The following CDH17 variants were observed in gnomAD, a reference collection of about 807,000 sequenced individuals.
CDH17 encodes the protein cadherin 17.
In CDH17, 67 loss-of-function variants were observed where a neutral mutation model predicts 86.3. The observed-to-expected ratio is 0.78, with a 90% confidence interval of 0.64 to 0.95. The LOEUF (loss-of-function observed/expected upper bound fraction) is 0.95, where lower values mean the gene tolerates loss of function less well. Ranked by LOEUF, CDH17 falls within the 40% of genes least tolerant of loss-of-function variation. CDH17 has a pLI of 0.00. For missense variants in CDH17, 993 were observed against 1,017.6 expected (o/e 0.98, Z 0.33); for synonymous variants, 367 against 366.4 (o/e 1.00, Z -0.02).
rs1159115662 is a variant in CDH17, at chr8:94,130,648, C to T, written c.2376G>A (p.Leu792=). Residue 792 remains leucine (L), a synonymous_variant, in exon 17 of 18, where the codon CTG becomes CTA. Coordinates refer to ENST00000027335, the MANE Select transcript of CDH17 (RefSeq NM_004063.4). Reference sequence around the variant, plus strand: ...CACCAATCACCAGAAGGGTGGTCAGCAGTATACCAACTGCCATGCCCACAG... The same window carrying T: ...CACCAATCACCAGAAGGGTGGTCAGTAGTATACCAACTGCCATGCCCACAG... ...IPTVGMAVGI[L]LTTLLVIGII... 6.2e-7 allele frequency: 1 copy of T among 1,612,330 alleles called. No individual in the cohort carries two copies. Among genetic ancestry groups the T allele is most frequent in the Non-Finnish European group, 8.5e-7 (1 of 1,178,620 alleles).
At chr8:94,185,276 T>TATACAC (rs938570428) in intron 3 of CDH17, among the ~76,000 whole-genome samples, 16 of 136,760 alleles carry the variant, frequency 1.2e-4, no homozygotes, top group African/African-American at 4.2e-4. Flanking sequence ...CCTACCCCAA[T>TATACAC]ACACACACAC....
At chr8:94,169,922 C>T (rs1280839841) in intron 9 of CDH17, among the ~76,000 whole-genome samples, 3 of 152,156 alleles carry the variant, frequency 2.0e-5, no homozygotes, top group Non-Finnish European at 4.4e-5. Flanking sequence ...AAGGGGGGCC[C>T]AAGGGTCAAA....
chr8:94,133,528 A>G (rs1812460894), intron 15 of CDH17, among the ~76,000 whole-genome samples: 1 of 152,226 alleles, frequency 6.6e-6, no homozygotes, highest in South Asian at 2.1e-4. Flanking sequence ...ATTTTGCTGA[A>G]GTTGCTTATC....
At chr8:94,129,955 C>G (rs60309287) in intron 17 of CDH17, among the ~76,000 whole-genome samples, 3,433 of 152,234 alleles carry the variant, frequency 0.023, 126 homozygotes, top group African/African-American at 0.079. Context: ...GTTCAAAAAT[C>G]TGGAAAAAAC....
intron 9 of CDH17, among the ~76,000 whole-genome samples, chr8:94,168,920 T>C (rs895943509): frequency 1.8e-4 from 27 of 152,294 alleles, no homozygotes; most frequent in African/African-American, 6.3e-4. Context: ...TGTCCTTTCC[T>C]GCTCTGCCGT....
intron 13 of CDH17, among the ~76,000 whole-genome samples, chr8:94,151,235 T>TAAGC (rs112022921): frequency 0.026 from 4,019 of 152,314 alleles, 170 homozygotes; most frequent in African/African-American, 0.092. Flanking sequence ...ATATATTTCT[T>TAAGC]AAGTTAATCA....
chr8:94,168,098 ATATATATAT>A (rs1813192037), intron 9 of CDH17, among the ~76,000 whole-genome samples: 1 of 216 alleles, frequency 4.6e-3, no homozygotes, highest in Admixed American at 0.038. Flanking sequence ...ACACTGGGGA[ATATATATAT>A]ATATATATAT....
At chr8:94,177,088 T>C (rs2130646075) in intron 4 of CDH17, among the ~76,000 whole-genome samples, 1 of 152,350 alleles carries the variant, frequency 6.6e-6, no homozygotes, top group African/African-American at 2.4e-5. Flanking sequence ...TCTCTGACTT[T>C]CCTAGGTATT....
At chr8:94,197,872 C>T (rs920300897) in intron 1 of CDH17, among the ~76,000 whole-genome samples, 3 of 151,206 alleles carry the variant, frequency 2.0e-5, no homozygotes, top group African/African-American at 7.3e-5. Flanking sequence ...AGTTTGTGCT[C>T]CTATGATTTT....
chr8:94,146,287 A>T, intron 14 of CDH17, 120 bp from the exon 15 acceptor site: 1 of 863,778 alleles, frequency 1.2e-6, no homozygotes, highest in Middle Eastern at 3.2e-4. Context: ...AAAGACGACA[A>T]GCTTTTAGAA....
intron 15 of CDH17, among the ~76,000 whole-genome samples, chr8:94,138,387 G>T (rs150622066): frequency 6.6e-6 from 1 of 152,160 alleles, no homozygotes; most frequent in Non-Finnish European, 1.5e-5. Flanking sequence ...AGCAAATGAG[G>T]TAAATTTTAT....
intron 3 of CDH17, among the ~76,000 whole-genome samples, chr8:94,187,926 A>G (rs1474232363): frequency 1.3e-5 from 2 of 151,586 alleles, no homozygotes. Flanking sequence ...ACCCTACCTC[A>G]CCGGGCTGCA....
chr8:94,145,093 C>T (rs2130590195), intron 15 of CDH17, among the ~76,000 whole-genome samples: 1 of 152,288 alleles, frequency 6.6e-6, no homozygotes, highest in South Asian at 2.1e-4. Context: ...AGTAGTTCAA[C>T]CTTTCCTTAA....
In CDH17 at chr8:94,130,649, A is replaced by C; in HGVS notation, c.2375T>G (p.Leu792Arg). The C allele has an allele frequency of 4.3e-6, 7 of 1,612,610 alleles. No homozygotes were observed. The highest frequency in any genetic ancestry group is 5.9e-6 in the Non-Finnish European group (7 of 1,178,802). ...IPTVGMAVGI[L>R]LTTLLVIGII... ...ACCAATCACCAGAAGGGTGGTCAGCAGTATACCAACTGCCATGCCCACAGT... is the reference window on the plus strand; with the variant it reads ...ACCAATCACCAGAAGGGTGGTCAGCCGTATACCAACTGCCATGCCCACAGT... Residue 792 changes from leucine (L) to arginine (R), a missense_variant, in exon 17 of 18, where the codon CTG becomes CGG. By Grantham distance (102) the Leu-to-Arg change is moderately radical. Coordinates refer to ENST00000027335, the MANE Select transcript of CDH17 (RefSeq NM_004063.4).
rs557233229 is a variant in CDH17, at chr8:94,146,269, G to C, written c.1928-102C>G. On this transcript the variant is annotated intron_variant, in intron 14 of 17. Transcript: ENST00000027335. ...AAATTCAAGGAGTTAGGTACACTGA[G>C]ATGCTAGAAAGACGACAAGCTTTTA... 2.9e-5 allele frequency: 32 copies of C among 1,084,744 alleles called. No homozygotes were observed. In the African/African-American group the frequency reaches 5.0e-4, roughly 17 times the overall value. The allele number at this position is 1,084,744 out of a possible 1,614,324, so 67.2% of individuals were successfully genotyped here.
At position 94,161,795 on chromosome 8, in the gene CDH17, A is replaced by G. The variant is rs948641279; in HGVS notation, c.1359+291T>C. ...AATGACAAACTGTAAGCCGCCATTC[A>G]CCTTTTTTCAATTTGACAAAGATTG... On this transcript the variant is annotated intron_variant, in intron 11 of 17. Transcript: ENST00000027335. Among the ~76,000 whole-genome samples the G allele has an allele frequency of 9.2e-5, 14 of 152,318 alleles. No homozygotes were observed. The East Asian group carries it at 2.5e-3, about 27-fold the overall frequency.
Position 94,157,845 on chromosome 8 carries a change from G to A in CDH17, c.1551+2126C>T, listed in dbSNP as rs139094889. Among the ~76,000 whole-genome samples, 371 of 152,316 alleles carry A rather than the reference G, an allele frequency of 2.4e-3. 5 individuals carry two copies. The highest frequency in any genetic ancestry group is 1.2e-3 in the Non-Finnish European group (79 of 68,032). ...GTGGGAGGATTGCTCTAGCCCAAGAGGTTGAGGCTGCAATGAGCTATGACT... is the reference window on the plus strand; with the variant it reads ...GTGGGAGGATTGCTCTAGCCCAAGAAGTTGAGGCTGCAATGAGCTATGACT... On this transcript the variant is annotated intron_variant, in intron 12 of 17. Coordinates refer to ENST00000027335, the MANE Select transcript of CDH17 (RefSeq NM_004063.4).
At chr8:94,148,721 G>GTTTTTTT in intron 14 of CDH17, 23 bp downstream of exon 14, 5 of 1,121,660 alleles carry the variant, frequency 4.5e-6, no homozygotes, top group South Asian at 3.5e-5. Context: ...CTTTTTTTTT[G>GTTTTTTT]TTTTTTTTTT....
intron 3 of CDH17, among the ~76,000 whole-genome samples, chr8:94,179,919 A>G (rs1423085595): frequency 6.6e-6 from 1 of 152,232 alleles, no homozygotes; most frequent in Non-Finnish European, 1.5e-5. Context: ...TCAACAAATT[A>G]TGAAATGTAC....
Sources: gnomAD v4.1 joint callset for allele counts (sites outside exome capture counted in the v4.1 genomes callset) on GRCh38, gnomAD v4.1.1 for gene constraint, MANE v1.5 for transcripts, NCBI Gene and HGNC (gene_info 2026-07-23, HGNC 2026-07-21) for gene names.